Variants in DTNA observed in about 807,000 individuals in gnomAD.
DTNA encodes the protein dystrophin-related protein 3.
DTNA carries 43 observed loss-of-function variants against 100.7 expected under a neutral mutation model. That is an observed-to-expected ratio of 0.43 (90% CI 0.33 to 0.55). The LOEUF (loss-of-function observed/expected upper bound fraction) is 0.55, where lower values mean the gene tolerates loss of function less well. DTNA is among the 20% of genes least tolerant of loss of function. The probability of loss-of-function intolerance (pLI) is 0.04; values close to 1 mark genes in which losing one functional copy is unlikely to be tolerated. For missense variants in DTNA, 798 were observed against 953.9 expected, an observed-to-expected ratio of 0.84 and a Z score of 2.15; for synonymous variants, 349 against 347.9, an observed-to-expected ratio of 1.00 and a Z score of -0.04.
rs532138501 is a variant in DTNA at position 34,655,466 on chromosome 18, A to G, written c.-1-100510A>G. On this transcript the variant is annotated intron_variant, in intron 1 of 19. Transcript: ENST00000283365. ...TGGCTAAAGGCAAAACTAAGCAGGT[A>G]TTTCTGAGTATTATGTTCACCTGTA... 4.2e-4 allele frequency among the ~76,000 whole-genome samples: 64 copies of G among 152,326 alleles called. No homozygotes were observed. The South Asian group carries it at 6.8e-3, about 16-fold the overall frequency.
rs998495659 is a variant in DTNA at position 34,891,385 on chromosome 18, A to G, written c.*3651A>G. 4 of 152,622 alleles carry G rather than the reference A, an allele frequency of 2.6e-5. No homozygotes were observed. The highest frequency in any genetic ancestry group is 2.1e-4 in the South Asian group (1 of 4,828). The allele number at this position is 152,622 out of a possible 1,614,324, so 9.5% of individuals were successfully genotyped here. A position where few individuals can be genotyped will look rare whatever the true frequency, so the allele number is the denominator to read the frequency against. ...AGTGGAATAATTTCTTCATTAAAAA[A>G]TGTTTTTAAAAACACTATATCTTGG... On this transcript the variant is annotated 3_prime_UTR_variant, in exon 23 of 23. Transcript: ENST00000444659.
At chr18:34,881,307 G>A (rs1488759317) in intron 20 of DTNA, among the ~76,000 whole-genome samples, 2 of 152,128 alleles carry the variant, frequency 1.3e-5, no homozygotes, top group Non-Finnish European at 2.9e-5. Context: ...GATTTAGGTA[G>A]TGAGTTTATG....
At position 34,771,561 on chromosome 18, in the gene DTNA, C is replaced by G. The variant is rs114239848; in HGVS notation, c.148+5520C>G. On this transcript the variant is annotated intron_variant, in intron 3 of 22. Transcript: ENST00000444659. ...TTTTGAGTCAAAGGGTTCTCCTTTC[C>G]AAATCGCTTCTTCCCCTTACCATTC... Among the ~76,000 whole-genome samples the G allele has an allele frequency of 6.4e-3, 975 of 152,154 alleles. 5 individuals carry two copies. Among genetic ancestry groups the G allele is most frequent in the African/African-American group, 0.023 (935 of 41,518 alleles).
intron 9 of DTNA, chr18:34,821,213 C>A: frequency 1.9e-6 from 1 of 536,950 alleles, no homozygotes; most frequent in South Asian, 1.6e-5. Context: ...TGGAAGTTAA[C>A]AATGGGATCA....
chr18:34,499,359 G>A (rs564254858), intron 1 of DTNA, among the ~76,000 whole-genome samples: 1 of 152,266 alleles, frequency 6.6e-6, no homozygotes, highest in Admixed American at 6.5e-5. Flanking sequence ...GCATACATGA[G>A]CTATAGCTTG....
intron 1 of DTNA, among the ~76,000 whole-genome samples, chr18:34,693,924 G>T (rs147622649): frequency 7.0e-4 from 106 of 152,098 alleles, no homozygotes; most frequent in African/African-American, 2.3e-3. Context: ...TTTAAAAAAC[G>T]TAAAACAGTG....
intron 4 of DTNA, among the ~76,000 whole-genome samples, chr18:34,797,949 A>G (rs938914637): frequency 5.3e-5 from 8 of 152,344 alleles, no homozygotes; most frequent in African/African-American, 1.9e-4. Context: ...GAATGAATCA[A>G]TGAATGAAAA....
At chr18:34,626,030 G>A (rs1050006613) in intron 1 of DTNA, among the ~76,000 whole-genome samples, 3 of 152,162 alleles carry the variant, frequency 2.0e-5, no homozygotes, top group African/African-American at 4.8e-5. Flanking sequence ...GGAAATTCTC[G>A]TAGACTGTCA....
At chr18:34,769,207 CCTTT>C (rs1442961469) in intron 3 of DTNA, among the ~76,000 whole-genome samples, 3 of 152,132 alleles carry the variant, frequency 2.0e-5, no homozygotes, top group Admixed American at 1.3e-4. Context: ...GCAAAGTTTT[CCTTT>C]CTAACAATAA....
intron 4 of DTNA, among the ~76,000 whole-genome samples, chr18:34,797,177 T>A (rs1209847905): frequency 6.6e-6 from 1 of 152,210 alleles, no homozygotes; most frequent in East Asian, 1.9e-4. Context: ...AGAAGATTTT[T>A]GTTTTTTGTG....
chr18:34,806,474 A>G (rs1395670938), intron 5 of DTNA, among the ~76,000 whole-genome samples, 170 bp downstream of exon 5: 1 of 152,196 alleles, frequency 6.6e-6, no homozygotes, highest in Non-Finnish European at 1.5e-5. Context: ...CGATATTTTC[A>G]TATTAGATAA....
intron 3 of DTNA, among the ~76,000 whole-genome samples, chr18:34,768,095 C>T (rs2093581954): frequency 1.3e-5 from 2 of 152,190 alleles, no homozygotes; most frequent in South Asian, 2.1e-4. Flanking sequence ...GAAGAATCTC[C>T]GTGTTTTCAG....
chr18:34,583,604 G>C (rs1197105093), intron 1 of DTNA, among the ~76,000 whole-genome samples: 1 of 150,586 alleles, frequency 6.6e-6, no homozygotes, highest in African/African-American at 2.4e-5. Flanking sequence ...TTTTTTAATG[G>C]AAATGGAATG....
At chr18:34,643,071 A>C (rs1440786559) in intron 1 of DTNA, among the ~76,000 whole-genome samples, 7 of 152,226 alleles carry the variant, frequency 4.6e-5, no homozygotes, top group African/African-American at 1.4e-4. Flanking sequence ...AACAAACAAA[A>C]AAAAGGAATT....
chr18:34,497,642 G>C (rs914617654), intron 1 of DTNA, among the ~76,000 whole-genome samples: 12 of 151,204 alleles, frequency 7.9e-5, no homozygotes, highest in Non-Finnish European at 8.8e-5. Flanking sequence ...TTCCATTGCT[G>C]TTGAAAATCA....
At chr18:34,886,873 G>A (rs905630543) in intron 22 of DTNA, among the ~76,000 whole-genome samples, 2 of 152,182 alleles carry the variant, frequency 1.3e-5, no homozygotes, top group African/African-American at 4.8e-5. Flanking sequence ...CTATCCTATT[G>A]TACTTTTTCT....
At chr18:34,632,930 C>A (rs1157700612) in intron 1 of DTNA, among the ~76,000 whole-genome samples, 1 of 151,902 alleles carries the variant, frequency 6.6e-6, no homozygotes, top group Non-Finnish European at 1.5e-5. Flanking sequence ...CATTTTTATT[C>A]TTTGTGGTGC....
At chr18:34,600,891 A>G (rs2051670116) in intron 1 of DTNA, among the ~76,000 whole-genome samples, 1 of 152,232 alleles carries the variant, frequency 6.6e-6, no homozygotes, top group African/African-American at 2.4e-5. Flanking sequence ...GTTCTTCTCT[A>G]CACAGCTGTT....
At chr18:34,748,384 G>A (rs2091917783) in intron 1 of DTNA, among the ~76,000 whole-genome samples, 1 of 152,026 alleles carries the variant, frequency 6.6e-6, no homozygotes, top group Non-Finnish European at 1.5e-5. Flanking sequence ...ATTTGCCTAG[G>A]TTAAAGTCTA....
Sources: allele counts gnomAD v4.1 joint callset (sites outside exome capture counted in the v4.1 genomes callset), GRCh38; gene constraint gnomAD v4.1.1; transcripts MANE v1.5; gene names NCBI Gene and HGNC (gene_info 2026-07-23, HGNC 2026-07-21).